Variants in CTNND1 observed in about 807,000 individuals in gnomAD.
CTNND1 encodes catenin delta-1.
Under a neutral mutation model 112.1 loss-of-function variants are expected in CTNND1, and 16 were observed. The observed-to-expected ratio is 0.14, with a 90% CI of 0.10 to 0.22. CTNND1 has a LOEUF of 0.22. Ranked by LOEUF, CTNND1 falls within the 10% of genes least tolerant of loss-of-function variation. The pLI is 1.00. For synonymous variants in CTNND1, 420 were observed against 446.5 expected, an observed-to-expected ratio of 0.94 and a Z score of 0.75; for missense variants, 1,008 against 1,257.0, an observed-to-expected ratio of 0.80 and a Z score of 3.00.
At chr11:57,783,931 G>T (rs1394606322) in intron 1 of CTNND1, among the ~76,000 whole-genome samples, 1 of 151,706 alleles carries the variant, frequency 6.6e-6, no homozygotes, top group East Asian at 2.0e-4. Flanking sequence ...ATTTATTTAC[G>T]TATTTATTTT....
chr11:57,797,715 G>A (rs1160509099), intron 6 of CTNND1, among the ~76,000 whole-genome samples: 2 of 150,864 alleles, frequency 1.3e-5, no homozygotes, highest in South Asian at 4.2e-4. Flanking sequence ...AGTGGTGCAT[G>A]CCTGTAATCT....
chr11:57,789,062 C>G lies in CTNND1; in HGVS notation c.-188C>G. On this transcript the variant is annotated 5_prime_UTR_variant, in exon 2 of 21. Transcript: ENST00000399050. ...CTCTCTCCTTCCTGCTTCCTCCTTG[C>G]TGTGGTGGCTGGGATGCTTCTTCCA... 1 of 1,535,702 alleles carries G rather than the reference C, an allele frequency of 6.5e-7. No individual in the cohort carries two copies. Among genetic ancestry groups the G allele is most frequent in the Non-Finnish European group, 8.7e-7 (1 of 1,146,856 alleles).
intron 17 of CTNND1, among the ~76,000 whole-genome samples, chr11:57,813,234 G>A (rs2063576675): frequency 6.6e-6 from 1 of 152,092 alleles, no homozygotes; most frequent in African/African-American, 2.4e-5. Flanking sequence ...CTGAGGCAGG[G>A]AGATCACTTG....
At chr11:57,794,139 C>T in intron 4 of CTNND1, 58 bp downstream of exon 4, 1 of 1,467,456 alleles carries the variant, frequency 6.8e-7, no homozygotes, top group African/African-American at 1.4e-5. Context: ...TTTCCCCAGC[C>T]TATAAGAGCA....
At chr11:57,799,204 A>G (rs562043414) in intron 6 of CTNND1, among the ~76,000 whole-genome samples, 3 of 152,290 alleles carry the variant, frequency 2.0e-5, no homozygotes, top group African/African-American at 7.2e-5. Context: ...TTCCTACAGG[A>G]GCACCAGACC....
chr11:57,763,713 T>A (rs976519545), intron 1 of CTNND1: 1 of 152,230 alleles, frequency 6.6e-6, no homozygotes, highest in Non-Finnish European at 1.5e-5. Flanking sequence ...GACTCCAGCC[T>A]GGGGAGGTTT....
At position 57,811,294 on chromosome 11, in the gene CTNND1, A is replaced by T. The variant is rs190647880; in HGVS notation, c.2551-105A>T. 7.9e-6 allele frequency: 7 copies of T among 887,430 alleles called. No individual in the cohort carries two copies. The Middle Eastern group carries it at 7.0e-4, about 89-fold the overall frequency. 55.0% of individuals were successfully genotyped at this position (887,430 alleles called of 1,614,324 possible). On this transcript the variant is annotated intron_variant, in intron 16 of 20. Coordinates refer to ENST00000399050, the MANE Select transcript of CTNND1 (RefSeq NM_001085458.2). ...TTCAACTCTTATAAGTTGCTTTTTC[A>T]TGATTCTATTTGGGAATAGGAACCT...
rs1332632288 is a variant in CTNND1, at chr11:57,775,614, T to C, written c.-213-13423T>C. 3.3e-5 allele frequency among the ~76,000 whole-genome samples: 5 copies of C among 152,250 alleles called. No individual in the cohort carries two copies. In the South Asian group the frequency reaches 8.3e-4, roughly 25 times the overall value. ...ACAAATTCAGGAGAGGATGTTAGCA[T>C]TGAAATTTAGCTGGACAATTTGTTT... is the stretch of plus-strand genomic sequence containing the variant. On this transcript the variant is annotated intron_variant, in intron 1 of 20. Coordinates refer to ENST00000399050, the MANE Select transcript of CTNND1 (RefSeq NM_001085458.2).
intron 14 of CTNND1, 25 bp from the exon 15 acceptor site, chr11:57,809,249 C>T: frequency 6.3e-7 from 1 of 1,576,190 alleles, no homozygotes; most frequent in Admixed American, 1.7e-5. Context: ...GATCTTTTCT[C>T]CCTGCATACA....
intron 12 of CTNND1, 139 bp downstream of exon 12, chr11:57,807,122 G>A: frequency 1.3e-6 from 1 of 747,032 alleles, no homozygotes; most frequent in Middle Eastern, 3.7e-4. Flanking sequence ...GATTGTGAAA[G>A]TATTGGGAAG....
chr11:57,816,265 TA>T, intron 20 of CTNND1, 31 bp from the exon 21 acceptor site: 1 of 1,613,578 alleles, frequency 6.2e-7, no homozygotes, highest in South Asian at 1.1e-5. Context: ...CCAACCCCAT[TA>T]ACATTCTCTC....
intron 1 of CTNND1, among the ~76,000 whole-genome samples, chr11:57,780,333 G>C (rs1282849595): frequency 6.6e-6 from 1 of 152,110 alleles, no homozygotes; most frequent in Non-Finnish European, 1.5e-5. Flanking sequence ...GGGATTACAG[G>C]CTTGAACCAC....
chr11:57,799,831 A>G lies in CTNND1; in HGVS notation c.957-1902A>G, dbSNP rs561817124. Among the ~76,000 whole-genome samples the G allele has an allele frequency of 5.9e-5, 9 of 152,262 alleles. No individual in the cohort carries two copies. In the South Asian group the frequency reaches 1.9e-3, roughly 32 times the overall value. On this transcript the variant is annotated intron_variant, in intron 6 of 20. Transcript: ENST00000399050. The stretch of plus-strand genomic sequence containing the variant: ...AAGCATTACCATCTATTGATAAAGA[A>G]CCACTGTTAACATTTTGGTGCATAT...
intron 17 of CTNND1, among the ~76,000 whole-genome samples, chr11:57,813,214 C>G (rs2063575725): frequency 6.6e-6 from 1 of 152,062 alleles, no homozygotes; most frequent in Admixed American, 6.6e-5. Flanking sequence ...GTCCCAATTA[C>G]TTTGGGAGGC....
chr11:57,777,807 T>C (rs2059170909), intron 1 of CTNND1, among the ~76,000 whole-genome samples: 2 of 152,210 alleles, frequency 1.3e-5, no homozygotes, highest in African/African-American at 4.8e-5. Flanking sequence ...GCAAAGGGAA[T>C]TGAGCCCTTT....
At chr11:57,814,573 C>A (rs1178974651) in intron 18 of CTNND1, among the ~76,000 whole-genome samples, 200 bp downstream of exon 18, 1 of 152,168 alleles carries the variant, frequency 6.6e-6, no homozygotes, top group East Asian at 1.9e-4. Flanking sequence ...CCTACATGCT[C>A]AAAGGTTTTC....
Position 57,808,523 on chromosome 11 carries a change from G to T in CTNND1, c.2225G>T (p.Arg742Leu), listed in dbSNP as rs201606412. The change falls in exon 14 of 21, where the codon CGC becomes CTC. Residue 742 changes from arginine (R) to leucine (L), a missense_variant. Transcript: ENST00000399050. ...GALRNLAVDA[R>L]NKELIGKHAI... Reference sequence around the variant, plus strand: ...CTGAGAAACCTGGCTGTGGATGCTCGCAACAAAGAATTAATTGGTGAGGAG... The same window carrying T: ...CTGAGAAACCTGGCTGTGGATGCTCTCAACAAAGAATTAATTGGTGAGGAG... The T allele has an allele frequency of 5.0e-6, 8 of 1,601,392 alleles. No homozygotes were observed. In the African/African-American group the frequency reaches 9.4e-5, roughly 19 times the overall value.
At position 57,808,233 on chromosome 11, in the gene CTNND1, C is replaced by T. The variant is rs2062947284; in HGVS notation, c.2032C>T (p.Pro678Ser). 2 of 1,613,882 alleles carry T rather than the reference C, an allele frequency of 1.2e-6. No individual in the cohort carries two copies. The highest frequency in any genetic ancestry group is 1.3e-5 in the African/African-American group (1 of 75,044). ...YISLLKESKTPAILEASAGAI... is the reference protein window; with the variant it reads ...YISLLKESKTSAILEASAGAI... ...CTCACTTCTTAAGGAGAGCAAGACT[C>T]CTGCCATCCTAGAAGCCTCAGCTGG... The change falls in exon 13 of 21, where the codon CCT (proline) becomes TCT (serine). Residue 678 changes from proline to serine, a missense_variant. By Grantham distance (74) the Pro-to-Ser change is moderately conservative. Coordinates refer to ENST00000399050, the MANE Select transcript of CTNND1 (RefSeq NM_001085458.2).
intron 18 of CTNND1, 31 bp downstream of exon 18, chr11:57,814,404 G>A: frequency 6.5e-7 from 1 of 1,549,532 alleles, no homozygotes; most frequent in Admixed American, 1.7e-5. Flanking sequence ...TAAGGATGTG[G>A]AGTAATATTT....
Sources: gnomAD v4.1 joint callset for allele counts (sites outside exome capture counted in the v4.1 genomes callset) on GRCh38, gnomAD v4.1.1 for gene constraint, MANE v1.5 for transcripts, NCBI Gene and HGNC (gene_info 2026-07-23, HGNC 2026-07-21) for gene names.